ADAMTSL1: variants seen among roughly 807,000 people sequenced by gnomAD.
ADAMTSL1 encodes ADAMTS like 1.
A neutral mutation model predicts 201.8 loss-of-function variants in ADAMTSL1; 126 were observed. The ratio of observed to expected loss-of-function variants is 0.62; its 90% CI spans 0.54 to 0.72. ADAMTSL1 has a LOEUF of 0.72. ADAMTSL1 is among the 30% of genes least tolerant of loss of function. The pLI, the probability that ADAMTSL1 is intolerant of heterozygous loss-of-function variation, is 0.00. For missense variants in ADAMTSL1, 2,679 were observed against 2,277.8 expected (o/e 1.18, Z -3.59); for synonymous variants, 1,121 against 903.4 (o/e 1.24, Z -4.32).
At chr9:18,217,498 G>GAA (rs1563814265) in intron 2 of ADAMTSL1, among the ~76,000 whole-genome samples, 2 of 151,928 alleles carry the variant, frequency 1.3e-5, no homozygotes, top group African/African-American at 4.8e-5. Context: ...CTGCTTTTTG[G>GAA]AATCAGTGAA....
chr9:18,527,117 A>G (rs972592247), intron 2 of ADAMTSL1, among the ~76,000 whole-genome samples: 4 of 152,124 alleles, frequency 2.6e-5, no homozygotes, highest in Admixed American at 2.0e-4. Context: ...ATGAGATGAG[A>G]TGCTGTCTCA....
intron 1 of ADAMTSL1, among the ~76,000 whole-genome samples, chr9:18,491,664 C>T (rs1329405318): frequency 6.6e-6 from 1 of 152,142 alleles, no homozygotes; most frequent in Non-Finnish European, 1.5e-5. Context: ...GGTAGTCCTT[C>T]CCATATATAC....
intron 2 of ADAMTSL1, among the ~76,000 whole-genome samples, chr9:18,280,060 G>C (rs1162845653): frequency 1.3e-5 from 2 of 152,078 alleles, no homozygotes; most frequent in Admixed American, 6.5e-5. Flanking sequence ...GCTGAAGTAG[G>C]CTTGAACCCT....
intron 2 of ADAMTSL1, among the ~76,000 whole-genome samples, chr9:18,217,419 C>G (rs898791919): frequency 2.0e-5 from 3 of 152,084 alleles, no homozygotes; most frequent in Non-Finnish European, 4.4e-5. Flanking sequence ...TTACCCCTCC[C>G]CAGCTTTATT....
intron 3 of ADAMTSL1, among the ~76,000 whole-genome samples, chr9:18,563,671 C>G (rs1423021025): frequency 1.3e-5 from 2 of 152,212 alleles, no homozygotes; most frequent in East Asian, 3.9e-4. Flanking sequence ...GTGTAAGCCC[C>G]TGACTGGGGC....
At chr9:18,563,615 C>T (rs56083866) in intron 3 of ADAMTSL1, among the ~76,000 whole-genome samples, 4,570 of 152,326 alleles carry the variant, frequency 0.03, 88 homozygotes, top group African/African-American at 0.039. Context: ...CACCCACAGC[C>T]TCCCCTTCAC....
At chr9:18,630,090 A>C (rs182046849) in intron 5 of ADAMTSL1, among the ~76,000 whole-genome samples, 8 of 152,272 alleles carry the variant, frequency 5.3e-5, no homozygotes, top group African/African-American at 1.9e-4. Flanking sequence ...TTCTATAAAT[A>C]TCCTTGAGCT....
rs1031751338 is a variant in ADAMTSL1 at position 17,911,107 on chromosome 9, A to C, written c.87+4185A>C. Among the ~76,000 whole-genome samples, 81 of 68,910 alleles carry C rather than the reference A, an allele frequency of 1.2e-3. 37 individuals carry two copies. In the Admixed American group the frequency reaches 0.014, roughly 12 times the overall value. The allele number at this position is 68,910 out of a possible 152,430, so 45.2% of individuals were successfully genotyped here. ...TAATGCCAATAAAAATTATTTGGAAATCTAAAGATTTCTTTCTTCTCACTG... is the reference window on the plus strand; with the variant it reads ...TAATGCCAATAAAAATTATTTGGAACTCTAAAGATTTCTTTCTTCTCACTG... On this transcript the variant is annotated intron_variant, in intron 1 of 29. Transcript: ENST00000680146.
intron 15 of ADAMTSL1, among the ~76,000 whole-genome samples, chr9:18,750,037 G>A (rs560931384): frequency 1.3e-5 from 2 of 152,190 alleles, no homozygotes; most frequent in Admixed American, 1.3e-4. Flanking sequence ...TAGCTGTGTA[G>A]GCAGCTATTT....
chr9:18,474,996 A>G (rs1821381126), intron 1 of ADAMTSL1, among the ~76,000 whole-genome samples: 1 of 152,198 alleles, frequency 6.6e-6, no homozygotes, highest in African/African-American at 2.4e-5. Flanking sequence ...TTTTGACTCG[A>G]AGTAAATGTT....
chr9:18,468,485 T>C (rs2131737086), intron 2 of ADAMTSL1, among the ~76,000 whole-genome samples: 1 of 152,204 alleles, frequency 6.6e-6, no homozygotes, highest in East Asian at 1.9e-4. Flanking sequence ...TGATTTATTA[T>C]CTCCTACTTG....
intron 2 of ADAMTSL1, among the ~76,000 whole-genome samples, chr9:18,376,954 A>G (rs1837322793): frequency 6.6e-6 from 1 of 152,254 alleles, no homozygotes; most frequent in African/African-American, 2.4e-5. Flanking sequence ...TTATTTTTAT[A>G]CATGTTGCTT....
intron 3 of ADAMTSL1, among the ~76,000 whole-genome samples, chr9:18,556,439 A>T (rs1821114630): frequency 6.6e-6 from 1 of 152,002 alleles, no homozygotes; most frequent in South Asian, 2.1e-4. Flanking sequence ...GATGACTTTA[A>T]TCAGTCTTTC....
At chr9:17,928,242 A>G (rs1588430397) in intron 1 of ADAMTSL1, among the ~76,000 whole-genome samples, 1 of 151,850 alleles carries the variant, frequency 6.6e-6, no homozygotes, top group Non-Finnish European at 1.5e-5. Context: ...CAAGCGATCT[A>G]CCTGCCTCAG....
intron 1 of ADAMTSL1, among the ~76,000 whole-genome samples, chr9:17,917,843 T>C (rs888060693): frequency 4.6e-5 from 7 of 151,970 alleles, no homozygotes; most frequent in Non-Finnish European, 7.4e-5. Flanking sequence ...CAAACTTAAT[T>C]TCTTGAATAG....
chr9:18,124,144 T>A (rs7846773), intron 1 of ADAMTSL1, among the ~76,000 whole-genome samples: 32,815 of 138,820 alleles, frequency 0.24, 6,286 homozygotes, highest in African/African-American at 0.54. Context: ...GTGCAGTGGC[T>A]CCGTCTCAGC....
chr9:18,438,720 T>A (rs1387945666), intron 2 of ADAMTSL1, among the ~76,000 whole-genome samples: 1 of 152,116 alleles, frequency 6.6e-6, no homozygotes, highest in Non-Finnish European at 1.5e-5. Flanking sequence ...CGCCAACTCC[T>A]CCGCAGCTAG....
At chr9:18,282,553 CT>C (rs1281878786) in intron 2 of ADAMTSL1, among the ~76,000 whole-genome samples, 1 of 152,150 alleles carries the variant, frequency 6.6e-6, no homozygotes, top group Non-Finnish European at 1.5e-5. Context: ...TTCAGGCTTG[CT>C]TTATGGCTTA....
chr9:17,915,700 C>T (rs1826065332), intron 1 of ADAMTSL1, among the ~76,000 whole-genome samples: 1 of 152,186 alleles, frequency 6.6e-6, no homozygotes, highest in Non-Finnish European at 1.5e-5. Flanking sequence ...CCTCTGCATC[C>T]TTGCCAATAC....
Sources: allele counts gnomAD v4.1 joint callset (sites outside exome capture counted in the v4.1 genomes callset), GRCh38; gene constraint gnomAD v4.1.1; transcripts MANE v1.5; gene names NCBI Gene and HGNC (gene_info 2026-07-23, HGNC 2026-07-21).